MAGI1: variants seen among roughly 807,000 people sequenced by gnomAD.
MAGI1 encodes membrane-associated guanylate kinase, WW and PDZ domain-containing protein 1.
MAGI1 carries 58 observed loss-of-function variants against 139.9 expected under a neutral mutation model. The ratio of observed to expected loss-of-function variants is 0.41; its 90% confidence interval spans 0.34 to 0.52. MAGI1 has a LOEUF of 0.52. Among genes scored for constraint, MAGI1 ranks in the 20% least tolerant of loss-of-function variants. The pLI is 0.12. For synonymous variants in MAGI1, 812 were observed against 737.9 expected, an observed-to-expected ratio of 1.10 and a Z score of -1.63; for missense variants, 1,874 against 1,901.6, an observed-to-expected ratio of 0.99 and a Z score of 0.27.
chr3:65,851,737 A>G (rs1425784097), intron 1 of MAGI1, among the ~76,000 whole-genome samples: 1 of 152,186 alleles, frequency 6.6e-6, no homozygotes, highest in Non-Finnish European at 1.5e-5. Flanking sequence ...CAACAGAGCA[A>G]GTCTCTGTCT....
intron 1 of MAGI1, among the ~76,000 whole-genome samples, chr3:65,829,108 C>T (rs1406143528): frequency 1.3e-5 from 2 of 152,236 alleles, no homozygotes; most frequent in African/African-American, 4.8e-5. Flanking sequence ...AGCCCAGTGA[C>T]ATCCACGTCA....
At chr3:65,439,439 T>C (rs1243888374) in intron 9 of MAGI1, among the ~76,000 whole-genome samples, 1 of 152,208 alleles carries the variant, frequency 6.6e-6, no homozygotes, top group Non-Finnish European at 1.5e-5. Flanking sequence ...AATTAGTCTG[T>C]AATTTTTAAA....
At chr3:65,383,652 A>T (rs1575574095) in intron 14 of MAGI1, 29 bp from the exon 15 acceptor site, 2 of 1,350,952 alleles carry the variant, frequency 1.5e-6, no homozygotes, top group Non-Finnish European at 2.1e-6. Flanking sequence ...AAAGAGAAGG[A>T]TTATTTTACT....
intron 2 of MAGI1, among the ~76,000 whole-genome samples, chr3:65,514,564 A>C (rs1331053936): frequency 1.4e-5 from 2 of 147,848 alleles, no homozygotes; most frequent in African/African-American, 2.5e-5. Flanking sequence ...AAAAATGCTC[A>C]TCATCACTGG....
chr3:65,488,993 G>A (rs545346981), intron 3 of MAGI1, among the ~76,000 whole-genome samples: 31 of 152,266 alleles, frequency 2.0e-4, no homozygotes, highest in Admixed American at 1.3e-3. Flanking sequence ...TGTTTAATCT[G>A]CCTCACAAGA....
intron 3 of MAGI1, among the ~76,000 whole-genome samples, chr3:65,489,892 T>C (rs1174346107): frequency 1.3e-5 from 2 of 152,356 alleles, no homozygotes; most frequent in South Asian, 4.1e-4. Context: ...TGTACACTTA[T>C]TACTGTTACT....
chr3:65,721,409 G>T (rs184560207), intron 1 of MAGI1, among the ~76,000 whole-genome samples: 1 of 152,254 alleles, frequency 6.6e-6, no homozygotes, highest in Admixed American at 6.5e-5. Context: ...TGATAATTAG[G>T]TCAGGATAAG....
chr3:65,947,835 C>T (rs2063608493), intron 1 of MAGI1, among the ~76,000 whole-genome samples: 2 of 151,946 alleles, frequency 1.3e-5, no homozygotes, highest in African/African-American at 2.4e-5. Context: ...CCAGGCTGGT[C>T]CCAAACCCTG....
Position 66,038,342 on chromosome 3 carries a change from CG to C in MAGI1, c.-35del, listed in dbSNP as rs1559519117. On this transcript the variant is annotated 5_prime_UTR_variant, in exon 1 of 23. It introduces an in-frame stop codon into an upstream open reading frame of the 5' UTR. Coordinates refer to ENST00000402939, the MANE Select transcript of MAGI1 (RefSeq NM_001033057.2). Reference sequence around the variant, plus strand: ...ACACCCCTCCTCCAAAAAAATAAAACGAGAGACAGGTGCCCCCCACAGCACG... The same window carrying C: ...ACACCCCTCCTCCAAAAAAATAAAACAGAGACAGGTGCCCCCCACAGCACG... 1 of 1,516,198 alleles carries C rather than the reference CG, an allele frequency of 6.6e-7. No homozygotes were observed. Among genetic ancestry groups the C allele is most frequent in the East Asian group, 2.3e-5 (1 of 43,678 alleles). 93.9% of individuals were successfully genotyped at this position (1,516,198 alleles called of 1,614,324 possible).
chr3:65,519,508 C>T (rs757509531), intron 2 of MAGI1, among the ~76,000 whole-genome samples: 4 of 152,062 alleles, frequency 2.6e-5, no homozygotes, highest in Non-Finnish European at 5.9e-5. Context: ...GCCTTAGCCT[C>T]CCGGGTAGCT....
intron 1 of MAGI1, among the ~76,000 whole-genome samples, chr3:65,659,000 T>A (rs1182476420): frequency 2.6e-5 from 4 of 152,172 alleles, no homozygotes; most frequent in African/African-American, 9.7e-5. Context: ...TCTTGCCGGC[T>A]CCTCTTGTAC....
intron 6 of MAGI1, among the ~76,000 whole-genome samples, chr3:65,450,247 G>C (rs1476881811): frequency 6.6e-6 from 1 of 152,138 alleles, no homozygotes; most frequent in East Asian, 1.9e-4. Flanking sequence ...CCCTGTGGAG[G>C]TTGTCAGCGA....
At chr3:65,496,740 G>A (rs1013941322) in intron 2 of MAGI1, among the ~76,000 whole-genome samples, 2 of 152,198 alleles carry the variant, frequency 1.3e-5, no homozygotes, top group African/African-American at 2.4e-5. Context: ...AAGATCAGGT[G>A]CAGCAAACCA....
chr3:65,582,621 C>T (rs544059421), intron 2 of MAGI1, among the ~76,000 whole-genome samples: 54 of 152,206 alleles, frequency 3.5e-4, no homozygotes, highest in African/African-American at 1.3e-3. Context: ...CTGTTGAAAG[C>T]AAGCTTCTCC....
chr3:65,890,901 C>A (rs936324368), intron 1 of MAGI1, among the ~76,000 whole-genome samples: 1 of 152,172 alleles, frequency 6.6e-6, no homozygotes, highest in African/African-American at 2.4e-5. Flanking sequence ...TGTATCGCCT[C>A]GTTTGTTTAG....
intron 1 of MAGI1, among the ~76,000 whole-genome samples, chr3:65,881,441 G>T (rs1240723472): frequency 6.6e-6 from 1 of 152,112 alleles, no homozygotes; most frequent in Non-Finnish European, 1.5e-5. Context: ...AGGCTGGGCA[G>T]GGTGGCAAGA....
intron 4 of MAGI1, among the ~76,000 whole-genome samples, chr3:65,474,184 T>C (rs1329613650): frequency 1.3e-5 from 2 of 152,116 alleles, no homozygotes; most frequent in East Asian, 3.9e-4. Flanking sequence ...AGAATCACTT[T>C]AACCTGGGAG....
At position 65,621,979 on chromosome 3, in the gene MAGI1, A is replaced by T; in HGVS notation, c.423T>A (p.Ala141=). Residue 141 remains alanine (A), a synonymous_variant, in exon 2 of 23, where the codon GCT becomes GCA. Transcript: ENST00000402939. ...CAAAGTCCAACTACTTACAAGGCAC[A>T]GCATGGCGGTAAAGGTTATCCCTTA... The part of the protein sequence containing the change: ...QTIRDNLYRH[A]VPCTTRSPRE... The T allele has an allele frequency of 2.5e-6, 4 of 1,610,238 alleles. No homozygotes were observed. Among genetic ancestry groups the T allele is most frequent in the Non-Finnish European group, 3.4e-6 (4 of 1,176,924 alleles).
chr3:65,419,371 T>C (rs150145011), intron 12 of MAGI1, among the ~76,000 whole-genome samples: 366 of 152,330 alleles, frequency 2.4e-3, no homozygotes, highest in African/African-American at 6.8e-3. Flanking sequence ...TTATCTTCAG[T>C]GAGTGTGATA....
Sources: allele counts gnomAD v4.1 joint callset (sites outside exome capture counted in the v4.1 genomes callset), GRCh38; gene constraint gnomAD v4.1.1; transcripts MANE v1.5; gene names NCBI Gene and HGNC (gene_info 2026-07-23, HGNC 2026-07-21).